The following ADGRV1 variants were observed in gnomAD, a reference collection of about 807,000 sequenced individuals.
ADGRV1 encodes G-protein coupled receptor 98.
ADGRV1 carries 359 observed loss-of-function variants against 596.2 expected under a neutral mutation model. The ratio of observed to expected loss-of-function variants is 0.60; its 90% CI spans 0.55 to 0.66. The LOEUF (loss-of-function observed/expected upper bound fraction) is 0.66, where lower values mean the gene tolerates loss of function less well. Among genes scored for constraint, ADGRV1 ranks in the 30% least tolerant of loss-of-function variants. ADGRV1 has a pLI of 0.00. For missense variants in ADGRV1, 7,274 were observed against 7,575.6 expected (o/e 0.96, Z 1.48); for synonymous variants, 2,681 against 2,679.2 (o/e 1.00, Z -0.02).
At chr5:90,760,840 C>T (rs1277513244) in intron 58 of ADGRV1, among the ~76,000 whole-genome samples, 1 of 152,076 alleles carries the variant, frequency 6.6e-6, no homozygotes, top group Non-Finnish European at 1.5e-5. Flanking sequence ...ATATTTGGTA[C>T]CTAGTACTAA....
chr5:90,940,579 C>G (rs916709433), intron 83 of ADGRV1, among the ~76,000 whole-genome samples: 1 of 151,888 alleles, frequency 6.6e-6, no homozygotes, highest in Admixed American at 6.6e-5. Flanking sequence ...GTAACCAGGT[C>G]AATAATAAAT....
intron 87 of ADGRV1, among the ~76,000 whole-genome samples, chr5:91,148,827 G>A (rs1795775177): frequency 1.3e-5 from 2 of 152,220 alleles, no homozygotes; most frequent in Admixed American, 1.3e-4. Flanking sequence ...AAAGCCACAG[G>A]GGTGGAGCTG....
At chr5:91,139,824 A>G (rs998187866) in intron 87 of ADGRV1, among the ~76,000 whole-genome samples, 18 of 152,182 alleles carry the variant, frequency 1.2e-4, no homozygotes, top group African/African-American at 4.3e-4. Context: ...TCTGAAATGA[A>G]CAAATGCCTC....
At chr5:90,827,200 C>G (rs190743741) in intron 76 of ADGRV1, among the ~76,000 whole-genome samples, 3 of 152,230 alleles carry the variant, frequency 2.0e-5, no homozygotes, top group Admixed American at 2.0e-4. Context: ...ATGCTTCTGA[C>G]CTAACCAGGA....
intron 4 of ADGRV1, among the ~76,000 whole-genome samples, chr5:90,619,517 GTGT>G (rs1016825367): frequency 6.6e-6 from 1 of 152,106 alleles, no homozygotes; most frequent in African/African-American, 2.4e-5. Context: ...CCTAAAGAAA[GTGT>G]TGTTTGTTTG....
chr5:90,715,797 T>A (rs1033941262), intron 42 of ADGRV1, among the ~76,000 whole-genome samples: 1 of 152,174 alleles, frequency 6.6e-6, no homozygotes, highest in Non-Finnish European at 1.5e-5. Context: ...TGAATGTCCT[T>A]CAATCATAGG....
rs1756696479 is a variant in ADGRV1 at position 90,763,217 on chromosome 5, C to T, written c.12121-88C>T. On this transcript the variant is annotated intron_variant, in intron 58 of 89. Coordinates refer to ENST00000405460, the MANE Select transcript of ADGRV1 (RefSeq NM_032119.4). ...ACATTCTAAATTATAAAACTGCAGT[C>T]ATTGTAAACAGAAATAAGATTCTAC... The T allele has an allele frequency of 1.2e-5, 13 of 1,120,666 alleles. 1 individual carries two copies. The highest frequency in any genetic ancestry group is 2.2e-4 in the Middle Eastern group (1 of 4,632). The allele number at this position is 1,120,666 out of a possible 1,614,324, so 69.4% of individuals were successfully genotyped here. A position where few individuals can be genotyped will look rare whatever the true frequency, so the allele number is the denominator to read the frequency against.
chr5:90,958,321 G>GGAAAAA (rs1264052088), intron 83 of ADGRV1, among the ~76,000 whole-genome samples: 12 of 148,572 alleles, frequency 8.1e-5, no homozygotes, highest in African/African-American at 3.0e-4. Flanking sequence ...AAAGAAAAAG[G>GGAAAAA]GAAAAAGAAA....
chr5:90,564,696 G>A (rs1270164579), intron 1 of ADGRV1, among the ~76,000 whole-genome samples: 1 of 26,438 alleles, frequency 3.8e-5, no homozygotes, highest in African/African-American at 3.0e-4. Flanking sequence ...GCGCGATCTC[G>A]GCTCACTGCA....
At chr5:90,964,022 A>G (rs1778246182) in intron 83 of ADGRV1, among the ~76,000 whole-genome samples, 1 of 152,006 alleles carries the variant, frequency 6.6e-6, no homozygotes, top group Non-Finnish European at 1.5e-5. Flanking sequence ...GATTTTGGGA[A>G]CATGCAAAGC....
intron 70 of ADGRV1, among the ~76,000 whole-genome samples, chr5:90,801,457 C>T (rs1022855396): frequency 2.0e-5 from 3 of 151,528 alleles, no homozygotes; most frequent in African/African-American, 7.3e-5. Context: ...CAGCCAGTGA[C>T]TTTCATGGGG....
chr5:90,686,582 TA>T (rs1482648595), intron 29 of ADGRV1, among the ~76,000 whole-genome samples: 1 of 152,114 alleles, frequency 6.6e-6, no homozygotes, highest in Non-Finnish European at 1.5e-5. Flanking sequence ...CCATGGTGTA[TA>T]TGTGCCACAT....
chr5:90,866,198 A>G (rs1452863926), intron 83 of ADGRV1, among the ~76,000 whole-genome samples: 1 of 152,046 alleles, frequency 6.6e-6, no homozygotes, highest in Non-Finnish European at 1.5e-5. Flanking sequence ...CTTTTGGAGC[A>G]GTGTGGTATA....
chr5:90,679,239 T>C (rs755368460), intron 25 of ADGRV1, among the ~76,000 whole-genome samples: 9 of 152,028 alleles, frequency 5.9e-5, no homozygotes, highest in Non-Finnish European at 1.0e-4. Flanking sequence ...TCTAAGATAT[T>C]AGAAAATAAT....
intron 85 of ADGRV1, among the ~76,000 whole-genome samples, chr5:91,062,232 G>A (rs895233462): frequency 6.6e-6 from 1 of 152,086 alleles, no homozygotes; most frequent in East Asian, 1.9e-4. Context: ...GCTCCAATAT[G>A]GCCATTTGCC....
At chr5:91,125,007 G>A (rs752976962) in intron 87 of ADGRV1, among the ~76,000 whole-genome samples, 5 of 152,144 alleles carry the variant, frequency 3.3e-5, no homozygotes, top group African/African-American at 9.7e-5. Flanking sequence ...ACAGTCCCTT[G>A]GAGACTTGGG....
At position 90,894,390 on chromosome 5, in the gene ADGRV1, AT is replaced by A. The variant is rs552196037; in HGVS notation, c.17856+30537del. 7.0e-4 allele frequency among the ~76,000 whole-genome samples: 106 copies of A among 152,260 alleles called. 1 individual carries two copies. The highest frequency in any genetic ancestry group is 2.5e-3 in the African/African-American group (104 of 41,540). ...AGGATTACCTGCAGAATTGGATGTA[AT>A]TTTAACTGCACCCAAAACCAGAGCA... is the stretch of plus-strand genomic sequence containing the variant. On this transcript the variant is annotated intron_variant, in intron 83 of 89. Coordinates refer to ENST00000405460, the MANE Select transcript of ADGRV1 (RefSeq NM_032119.4).
chr5:91,047,398 C>G (rs892190339), intron 85 of ADGRV1, among the ~76,000 whole-genome samples: 22 of 152,236 alleles, frequency 1.4e-4, no homozygotes, highest in African/African-American at 5.1e-4. Context: ...AGGCTGTATG[C>G]AAGCTGAGGA....
intron 83 of ADGRV1, among the ~76,000 whole-genome samples, chr5:90,885,243 C>T (rs1047404681): frequency 2.0e-5 from 3 of 152,158 alleles, no homozygotes; most frequent in African/African-American, 7.2e-5. Context: ...TCTGCTACCA[C>T]ATAACAAGAA....
Sources: gnomAD v4.1 joint callset for allele counts (sites outside exome capture counted in the v4.1 genomes callset) on GRCh38, gnomAD v4.1.1 for gene constraint, MANE v1.5 for transcripts, NCBI Gene and HGNC (gene_info 2026-07-23, HGNC 2026-07-21) for gene names.